The following SKP1 variants were observed in gnomAD, a reference collection of about 807,000 sequenced individuals.
SKP1 encodes S-phase kinase-associated protein 1.
In SKP1, 1 loss-of-function variant was observed where a neutral mutation model predicts 21.5. That is an observed-to-expected ratio of 0.05 (90% CI 0.02 to 0.22). SKP1 has a LOEUF of 0.22. Ranked by LOEUF, SKP1 falls within the 10% of genes least tolerant of loss-of-function variation. The probability of loss-of-function intolerance (pLI) is 1.00; values close to 1 mark genes in which losing one functional copy is unlikely to be tolerated. For synonymous variants in SKP1, 59 were observed against 59.3 expected (o/e 0.99, Z 0.03); for missense variants, 70 against 192.0 (o/e 0.36, Z 3.76).
chr5:134,165,207 C>T (rs1761305333), intron 3 of SKP1, among the ~76,000 whole-genome samples: 1 of 152,022 alleles, frequency 6.6e-6, no homozygotes, highest in Admixed American at 6.5e-5. Flanking sequence ...CTGAATGGTG[C>T]ACGTTCAAAA....
chr5:134,158,079 A>T, intron 5 of SKP1: 2 of 1,412,894 alleles, frequency 1.4e-6, no homozygotes, highest in Non-Finnish European at 1.9e-6. Context: ...ATTCTGATCT[A>T]TTCTTTCATT....
intron 4 of SKP1, 36 bp from the exon 5 acceptor site, chr5:134,158,631 T>A (rs1430095741): frequency 6.3e-7 from 1 of 1,586,784 alleles, no homozygotes; most frequent in East Asian, 2.2e-5. Context: ...AAAGTATACT[T>A]GATGTTTTAA....
Position 134,150,897 on chromosome 5 carries a change from G to T in SKP1, c.*6836C>A, listed in dbSNP as rs1330801616. 1 of 152,208 alleles carries T rather than the reference G, an allele frequency of 6.6e-6. No homozygotes were observed. Among genetic ancestry groups the T allele is most frequent in the Non-Finnish European group, 1.5e-5 (1 of 68,042 alleles). 9.4% of individuals were successfully genotyped at this position (152,208 alleles called of 1,614,324 possible). A position where few individuals can be genotyped will look rare whatever the true frequency, so the allele number is the denominator to read the frequency against. Reference sequence around the variant, plus strand: ...GAGTTTGAAAACAGGAAACATAGATGGTGGGGATGTTCACATACACAGTCC... The same window carrying T: ...GAGTTTGAAAACAGGAAACATAGATTGTGGGGATGTTCACATACACAGTCC... On this transcript the variant is annotated 3_prime_UTR_variant, in exon 6 of 6. Coordinates refer to ENST00000353411, the MANE Select transcript of SKP1 (RefSeq NM_170679.3).
intron 2 of SKP1, chr5:134,171,104 T>C: frequency 2.3e-6 from 1 of 442,372 alleles, no homozygotes; most frequent in South Asian, 1.6e-5. Flanking sequence ...AATACAGGAC[T>C]TTAAAGGCCA....
intron 3 of SKP1, 73 bp downstream of exon 3, chr5:134,167,097 G>T (rs924338941): frequency 2.7e-6 from 2 of 743,282 alleles, no homozygotes; most frequent in African/African-American, 3.6e-5. Flanking sequence ...AACATAGATT[G>T]TTGAATTACT....
intron 2 of SKP1, among the ~76,000 whole-genome samples, chr5:134,168,390 A>G (rs1054577891): frequency 1.3e-5 from 2 of 152,248 alleles, no homozygotes; most frequent in Non-Finnish European, 2.9e-5. Context: ...CGCACAAAAC[A>G]GATCATGCAG....
At chr5:134,168,434 A>ATAT (rs1438214991) in intron 2 of SKP1, among the ~76,000 whole-genome samples, 3 of 152,236 alleles carry the variant, frequency 2.0e-5, no homozygotes, top group Non-Finnish European at 4.4e-5. Context: ...AGCTCCAAAC[A>ATAT]TAATGGTATG....
rs1460412569 is a variant in SKP1, at chr5:134,156,010, G to A, written c.*1723C>T. 1 of 149,898 alleles carries A rather than the reference G, an allele frequency of 6.7e-6. No homozygotes were observed. The highest frequency in any genetic ancestry group is 1.5e-5 in the Non-Finnish European group (1 of 67,740). The allele number at this position is 149,898 out of a possible 1,614,324, so 9.3% of individuals were successfully genotyped here. A position where few individuals can be genotyped will look rare whatever the true frequency, so the allele number is the denominator to read the frequency against. On this transcript the variant is annotated 3_prime_UTR_variant, in exon 6 of 6. Coordinates refer to ENST00000353411, the MANE Select transcript of SKP1 (RefSeq NM_170679.3). ...AGGGACTTTCTGTGTTGCCCAGGCT[G>A]GTCTTGAACTCCTGGGCTCAAACGA...
intron 2 of SKP1, among the ~76,000 whole-genome samples, chr5:134,173,126 A>G (rs868785552): frequency 8.5e-5 from 13 of 152,134 alleles, no homozygotes; most frequent in Middle Eastern, 3.4e-3. Flanking sequence ...TGAGGTCGGG[A>G]GTCCGAGACC....
In SKP1 at chr5:134,152,206, T is replaced by TA. The variant is rs1243659657; in HGVS notation, c.*5526dup. On this transcript the variant is annotated 3_prime_UTR_variant, in exon 6 of 6. Transcript: ENST00000353411. Reference sequence around the variant, plus strand: ...AAAATAAATAAATAAAAATTAAAATTAAAAAAATTAGAATTTAGCTCACTC... The same window carrying TA: ...AAAATAAATAAATAAAAATTAAAATTAAAAAAAATTAGAATTTAGCTCACTC... The TA allele has an allele frequency of 1.3e-5, 2 of 149,414 alleles. No homozygotes were observed. Among genetic ancestry groups the TA allele is most frequent in the African/African-American group, 5.1e-5 (2 of 39,218 alleles). 9.3% of individuals were successfully genotyped at this position (149,414 alleles called of 1,614,324 possible).
At chr5:134,167,580 G>T (rs542207687) in intron 2 of SKP1, among the ~76,000 whole-genome samples, 30 of 151,926 alleles carry the variant, frequency 2.0e-4, no homozygotes, top group African/African-American at 6.8e-4. Flanking sequence ...TAGAGTGTAG[G>T]GGCGCCATCT....
At chr5:134,165,045 G>A (rs903966848) in intron 3 of SKP1, among the ~76,000 whole-genome samples, 12 of 133,312 alleles carry the variant, frequency 9.0e-5, no homozygotes, top group Middle Eastern at 3.8e-3. Flanking sequence ...TTTTGAGGGG[G>A]GAGGGTGTAC....
At chr5:134,162,631 C>A (rs1761240564) in intron 3 of SKP1, among the ~76,000 whole-genome samples, 1 of 138,588 alleles carries the variant, frequency 7.2e-6, no homozygotes, top group South Asian at 2.1e-4. Flanking sequence ...AGATGATCCA[C>A]CCCCCTTGGC....
At chr5:134,158,158 G>A (rs1412055644) in intron 5 of SKP1, 58 of 1,379,494 alleles carry the variant, frequency 4.2e-5, no homozygotes, top group Non-Finnish European at 5.2e-5. Flanking sequence ...CTTTTCTGAT[G>A]TCAGATATGT....
rs963093404 is a variant in SKP1 at position 134,156,308 on chromosome 5, C to T, written c.*1425G>A. On this transcript the variant is annotated 3_prime_UTR_variant, in exon 6 of 6. Transcript: ENST00000353411. ...TACAACGTAAAAACCATTTTTAGCT[C>T]AAAGACTACAAAAACAGGCTATGGG... 1.3e-5 allele frequency: 2 copies of T among 151,978 alleles called. No individual in the cohort carries two copies. Among genetic ancestry groups the T allele is most frequent in the Admixed American group, 1.3e-4 (2 of 15,244 alleles). The allele number at this position is 151,978 out of a possible 1,614,324, so 9.4% of individuals were successfully genotyped here.
In SKP1 at chr5:134,149,763, A is replaced by C. The variant is rs1167057612; in HGVS notation, c.*7970T>G. On this transcript the variant is annotated 3_prime_UTR_variant, in exon 6 of 6. Transcript: ENST00000353411. ...GTTGCTGCATCTGATTTGGTGTCTC[A>C]CTTAGAGTACACAGGGTACCTGAAC... The C allele has an allele frequency of 8.2e-6, 1 of 122,640 alleles. No individual in the cohort carries two copies. Among genetic ancestry groups the C allele is most frequent in the African/African-American group, 3.5e-5 (1 of 28,486 alleles). 7.6% of individuals were successfully genotyped at this position (122,640 alleles called of 1,614,324 possible). A position where few individuals can be genotyped will look rare whatever the true frequency, so the allele number is the denominator to read the frequency against.
At chr5:134,161,213 G>C in intron 3 of SKP1, 83 bp from the exon 4 acceptor site, 1 of 1,229,866 alleles carries the variant, frequency 8.1e-7, no homozygotes, top group Non-Finnish European at 1.1e-6. Context: ...TCCCTATATT[G>C]GAATAATAAC....
chr5:134,166,544 AC>A (rs1761334697), intron 3 of SKP1, among the ~76,000 whole-genome samples: 1 of 114,360 alleles, frequency 8.7e-6, no homozygotes, highest in South Asian at 3.1e-4. Context: ...TCATACCACT[AC>A]CCTCCAACCT....
rs928871869 is a variant in SKP1 at position 134,151,899 on chromosome 5, T to C, written c.*5834A>G. ...GCAAGAGCACCTTCGACAACACTTT[T>C]CGGCCACCACTAATGATCATCTCCA... is the stretch of plus-strand genomic sequence containing the variant. On this transcript the variant is annotated 3_prime_UTR_variant, in exon 6 of 6. Coordinates refer to ENST00000353411, the MANE Select transcript of SKP1 (RefSeq NM_170679.3). 3.1e-6 allele frequency: 1 copy of C among 318,472 alleles called. No homozygotes were observed. Among genetic ancestry groups the C allele is most frequent in the African/African-American group, 2.2e-5 (1 of 46,422 alleles). 19.7% of individuals were successfully genotyped at this position (318,472 alleles called of 1,614,324 possible). A position where few individuals can be genotyped will look rare whatever the true frequency, so the allele number is the denominator to read the frequency against.
Sources: allele counts gnomAD v4.1 joint callset (sites outside exome capture counted in the v4.1 genomes callset), GRCh38; gene constraint gnomAD v4.1.1; transcripts MANE v1.5; gene names NCBI Gene and HGNC (gene_info 2026-07-23, HGNC 2026-07-21).